Variants in MDGA2 observed in about 807,000 individuals in gnomAD.
MDGA2 encodes the protein MAM domain-containing glycosylphosphatidylinositol anchor protein 2.
MDGA2 carries 40 observed loss-of-function variants against 117.8 expected under a neutral mutation model. The ratio of observed to expected loss-of-function variants is 0.34; its 90% CI spans 0.26 to 0.44. The LOEUF is 0.44. MDGA2 is among the 20% of genes least tolerant of loss of function. The pLI is 1.00. For synonymous variants in MDGA2, 452 were observed against 439.0 expected, an observed-to-expected ratio of 1.03 and a Z score of -0.37; for missense variants, 1,123 against 1,250.6, an observed-to-expected ratio of 0.90 and a Z score of 1.54.
intron 5 of MDGA2, among the ~76,000 whole-genome samples, chr14:47,111,644 C>T (rs1388882166): frequency 6.6e-6 from 1 of 152,064 alleles, no homozygotes; most frequent in African/African-American, 2.4e-5. Context: ...TTTTAATTGG[C>T]TCAGTGATTT....
At position 47,218,066 on chromosome 14, in the gene MDGA2, C is replaced by T; in HGVS notation, c.550G>A (p.Gly184Ser). The T allele has an allele frequency of 6.4e-7, 1 of 1,551,228 alleles. No individual in the cohort carries two copies. The highest frequency in any genetic ancestry group is 8.7e-7 in the Non-Finnish European group (1 of 1,146,594). The change falls in exon 3 of 17, where the codon GGC becomes AGC. Residue 184 changes from glycine (G) to serine (S), a missense_variant. Gly to Ser is a moderately conservative substitution (Grantham distance 56). This residue lies in a region of MDGA2 where 890 missense variants were observed against 1,050.3 expected (regional missense o/e 0.85). Coordinates refer to ENST00000399232, the MANE Select transcript of MDGA2 (RefSeq NM_001113498.3). The part of the protein sequence containing the change: ...GGRYYCKAEN[G>S]LGSPAIKSIR... Reference sequence around the variant, plus strand: ...GACTTTATCGCTGGAGACCCCAAGCCATTCTCTGCTTTACAGTAATACCGG... The same window carrying T: ...GACTTTATCGCTGGAGACCCCAAGCTATTCTCTGCTTTACAGTAATACCGG...
chr14:47,131,499 G>T (rs1354846354), intron 5 of MDGA2, among the ~76,000 whole-genome samples: 1 of 151,872 alleles, frequency 6.6e-6, no homozygotes, highest in South Asian at 2.1e-4. Flanking sequence ...AATTTTGTAT[G>T]TTATACACGT....
chr14:46,842,089 A>T (rs1880640422), intron 16 of MDGA2, 70 bp from the exon 17 acceptor site: 1 of 889,542 alleles, frequency 1.1e-6, no homozygotes, highest in Non-Finnish European at 1.8e-6. Context: ...CTACTAACAC[A>T]ACCTTGGTGA....
At chr14:47,043,605 GT>G (rs1166957319) in intron 7 of MDGA2, among the ~76,000 whole-genome samples, 2 of 151,962 alleles carry the variant, frequency 1.3e-5, no homozygotes, top group Non-Finnish European at 2.9e-5. Context: ...TAAAAATCAT[GT>G]CACTATATTA....
rs112827227 is a variant in MDGA2 at position 47,272,741 on chromosome 14, C to T, written c.420+28670G>A. 3.6e-3 allele frequency among the ~76,000 whole-genome samples: 547 copies of T among 152,278 alleles called. 1 individual carries two copies. Among genetic ancestry groups the T allele is most frequent in the Non-Finnish European group, 5.7e-3 (385 of 68,022 alleles). Reference sequence around the variant, plus strand: ...AATATTATTGGTAACAAATTTCATGCACCTCATTCCATAGCTATTTTCATC... The same window carrying T: ...AATATTATTGGTAACAAATTTCATGTACCTCATTCCATAGCTATTTTCATC... On this transcript the variant is annotated intron_variant, in intron 2 of 16. Transcript: ENST00000399232.
chr14:47,177,166 G>A (rs1014181183), intron 3 of MDGA2, among the ~76,000 whole-genome samples: 1 of 152,184 alleles, frequency 6.6e-6, no homozygotes, highest in Non-Finnish European at 1.5e-5. Context: ...TGCTAGAGAG[G>A]ATGTGGAGAA....
At chr14:47,449,951 CAGAT>C (rs1377501417) in intron 1 of MDGA2, among the ~76,000 whole-genome samples, 5 of 152,152 alleles carry the variant, frequency 3.3e-5, no homozygotes, top group Admixed American at 2.6e-4. Context: ...TCATCATTGA[CAGAT>C]AGACAACCTA....
chr14:47,650,176 T>A (rs2138267350), intron 1 of MDGA2, among the ~76,000 whole-genome samples: 1 of 152,282 alleles, frequency 6.6e-6, no homozygotes, highest in African/African-American at 2.4e-5. Context: ...CATCATGTTT[T>A]TTCATGCTCT....
At chr14:47,050,266 C>A (rs116948127) in intron 7 of MDGA2, among the ~76,000 whole-genome samples, 2 of 151,894 alleles carry the variant, frequency 1.3e-5, no homozygotes, top group Non-Finnish European at 2.9e-5. Flanking sequence ...GCTTCTCATA[C>A]GTAAAATGAA....
intron 1 of MDGA2, among the ~76,000 whole-genome samples, chr14:47,419,453 C>T (rs146178788): frequency 2.8e-4 from 42 of 152,162 alleles, no homozygotes; most frequent in African/African-American, 8.9e-4. Flanking sequence ...GTCAAGTAAT[C>T]ATGAGAAAAA....
intron 1 of MDGA2, among the ~76,000 whole-genome samples, chr14:47,452,036 G>T (rs1357459682): frequency 1.3e-5 from 2 of 152,004 alleles, no homozygotes; most frequent in Admixed American, 1.3e-4. Flanking sequence ...CATTTTCAAG[G>T]GCAAAATCTT....
At chr14:47,379,634 C>T (rs1594826547) in intron 1 of MDGA2, among the ~76,000 whole-genome samples, 2 of 152,312 alleles carry the variant, frequency 1.3e-5, no homozygotes, top group East Asian at 3.9e-4. Context: ...AAGGCCATTA[C>T]ATAATGGCAA....
At position 46,858,240 on chromosome 14, in the gene MDGA2, TTTTG is replaced by T. The variant is rs565105227; in HGVS notation, c.2753-3090_2753-3087del. 1.9e-3 allele frequency among the ~76,000 whole-genome samples: 291 copies of T among 151,526 alleles called. 1 individual carries two copies. The highest frequency in any genetic ancestry group is 6.8e-3 in the African/African-American group (283 of 41,484). ...TCTGTTAAGCCCACCCAGTAAATTT[TTTTG>T]TTTATTGTACTTTGTAGTATAATTC... On this transcript the variant is annotated intron_variant, in intron 14 of 16. Transcript: ENST00000399232.
chr14:47,591,530 C>T (rs1158412277), intron 1 of MDGA2, among the ~76,000 whole-genome samples: 3 of 152,126 alleles, frequency 2.0e-5, no homozygotes, highest in South Asian at 2.1e-4. Context: ...TGATAAACAT[C>T]GATGTGAAAA....
At chr14:47,149,570 G>C (rs1356745415) in intron 3 of MDGA2, among the ~76,000 whole-genome samples, 1 of 152,190 alleles carries the variant, frequency 6.6e-6, no homozygotes, top group Non-Finnish European at 1.5e-5. Flanking sequence ...GTGAGCTGAT[G>C]ATATTTCTGG....
intron 1 of MDGA2, among the ~76,000 whole-genome samples, chr14:47,571,785 A>T (rs1896025203): frequency 6.6e-6 from 1 of 152,098 alleles, no homozygotes; most frequent in Non-Finnish European, 1.5e-5. Flanking sequence ...GAGGCATAGC[A>T]TTAGGAGAAA....
At chr14:47,425,906 GTC>G (rs1491089758) in intron 1 of MDGA2, among the ~76,000 whole-genome samples, 326 of 122,098 alleles carry the variant, frequency 2.7e-3, no homozygotes, top group African/African-American at 8.7e-3. Context: ...CAAATGTATA[GTC>G]TTTTTTTTTT....
chr14:47,252,187 G>A (rs1370916474), intron 2 of MDGA2, among the ~76,000 whole-genome samples: 1 of 151,818 alleles, frequency 6.6e-6, no homozygotes, highest in Non-Finnish European at 1.5e-5. Context: ...TTTGATTAAA[G>A]GTAGGATACA....
At chr14:47,511,007 A>G (rs1156241976) in intron 1 of MDGA2, among the ~76,000 whole-genome samples, 1 of 152,164 alleles carries the variant, frequency 6.6e-6, no homozygotes, top group Non-Finnish European at 1.5e-5. Flanking sequence ...CCCTGTCTCA[A>G]CTTTATTATG....
Sources: allele counts gnomAD v4.1 joint callset (sites outside exome capture counted in the v4.1 genomes callset), GRCh38; gene constraint gnomAD v4.1.1; regional missense constraint gnomAD v4.1.1; transcripts MANE v1.5; gene names NCBI Gene and HGNC (gene_info 2026-07-23, HGNC 2026-07-21).